SLFN12: variants seen among roughly 807,000 people sequenced by gnomAD.
SLFN12 encodes the protein ribonuclease SLFN12.
Under a neutral mutation model 29.1 loss-of-function variants are expected in SLFN12, and 25 were observed. The observed-to-expected ratio is 0.86, with a 90% CI of 0.63 to 1.20. The LOEUF is 1.20. Ranked by LOEUF, SLFN12 falls within the 50% of genes most tolerant of loss-of-function variation. The probability of loss-of-function intolerance (pLI) is 0.00; values close to 1 mark genes in which losing one functional copy is unlikely to be tolerated. For missense variants in SLFN12, 660 were observed against 666.2 expected, an observed-to-expected ratio of 0.99 and a Z score of 0.10; for synonymous variants, 257 against 238.7, an observed-to-expected ratio of 1.08 and a Z score of -0.71.
At chr17:35,418,615 T>C (rs1172136908) in intron 3 of SLFN12, among the ~76,000 whole-genome samples, 3 of 152,130 alleles carry the variant, frequency 2.0e-5, no homozygotes, top group African/African-American at 7.2e-5. Context: ...GGTAAGGCTT[T>C]GGGTCAAAAG....
At chr17:35,414,904 A>G (rs1911230692) in intron 3 of SLFN12, among the ~76,000 whole-genome samples, 1 of 152,180 alleles carries the variant, frequency 6.6e-6, no homozygotes, top group African/African-American at 2.4e-5. Context: ...ATGTTCATGG[A>G]TAGGTAGAAT....
intron 1 of SLFN12, among the ~76,000 whole-genome samples, chr17:35,428,431 A>T (rs1912130720): frequency 6.6e-6 from 1 of 152,062 alleles, no homozygotes; most frequent in African/African-American, 2.4e-5. Flanking sequence ...GTTAGAAAGC[A>T]TCTTAGTGGG....
intron 3 of SLFN12, among the ~76,000 whole-genome samples, chr17:35,418,097 T>C (rs555498976): frequency 3.3e-4 from 50 of 152,262 alleles, no homozygotes; most frequent in Non-Finnish European, 6.9e-4. Flanking sequence ...TTTTGGCATT[T>C]AAGCAGATTC....
In SLFN12 at chr17:35,420,343, T is replaced by A. The variant is rs200355125; in HGVS notation, c.1078A>T (p.Asn360Tyr). ...CTGTGGGGAGCAGGTAATGACGTAT[T>A]TATTTGAGAGATCACCTCTTCATAT... The part of the protein sequence containing the change: ...SSYEEVISQI[N>Y]TSLPAPHSWP... The change falls in exon 3 of 4, where the codon AAT (asparagine) becomes TAT (tyrosine). Residue 360 changes from asparagine (N) to tyrosine (Y), a missense_variant. Coordinates refer to ENST00000304905, the MANE Select transcript of SLFN12 (RefSeq NM_018042.5). 6.8e-6 allele frequency: 11 copies of A among 1,613,826 alleles called. No individual in the cohort carries two copies. The highest frequency in any genetic ancestry group is 9.3e-6 in the Non-Finnish European group (11 of 1,179,848).
chr17:35,411,927 C>A lies in SLFN12; in HGVS notation c.1148G>T (p.Gly383Val). ...EWQRQRHHCPGLSGRITYTPE... is the reference protein window; with the variant it reads ...EWQRQRHHCPVLSGRITYTPE... ...AGTATACGTTATCCTTCCTGATAGC[C>A]CTGAATAAGGAAATAATAATAATAA... The change falls in exon 4 of 4, where the codon GGG becomes GTG. Residue 383 changes from glycine to valine, a missense_variant and splice_region_variant. Coordinates refer to ENST00000304905, the MANE Select transcript of SLFN12 (RefSeq NM_018042.5). 6.4e-7 allele frequency: 1 copy of A among 1,556,160 alleles called. No homozygotes were observed.
At chr17:35,420,536 A>G (rs376667643) in intron 2 of SLFN12, 155 bp from the exon 3 acceptor site, 17 of 509,556 alleles carry the variant, frequency 3.3e-5, no homozygotes, top group East Asian at 2.6e-4. Context: ...TAGGTCAGAT[A>G]CAAATTGCAA....
intron 3 of SLFN12, among the ~76,000 whole-genome samples, chr17:35,414,479 G>C (rs1911206825): frequency 6.6e-6 from 1 of 152,018 alleles, no homozygotes; most frequent in East Asian, 1.9e-4. Context: ...TAAATGGAAA[G>C]ATAGCTTGTG....
chr17:35,420,567 GAC>G (rs953882167), intron 2 of SLFN12, 186 bp from the exon 3 acceptor site: 5 of 449,140 alleles, frequency 1.1e-5, no homozygotes, highest in African/African-American at 8.1e-5. Flanking sequence ...TGATGCCACT[GAC>G]ACACTATATT....
chr17:35,420,329 A>G lies in SLFN12; in HGVS notation c.1092T>C (p.Pro364=), dbSNP rs750922602. Residue 364 remains proline (P), a synonymous_variant, in exon 3 of 4, where the codon CCT becomes CCC. Transcript: ENST00000304905. ...EVISQINTSL[P]APHSWPLLEW... is the part of the protein sequence containing the mutation. Reference sequence around the variant, plus strand: ...CCAAAAGAGGCCAACTGTGGGGAGCAGGTAATGACGTATTTATTTGAGAGA... The same window carrying G: ...CCAAAAGAGGCCAACTGTGGGGAGCGGGTAATGACGTATTTATTTGAGAGA... 1.2e-6 allele frequency: 2 copies of G among 1,613,960 alleles called. No homozygotes were observed. Among genetic ancestry groups the G allele is most frequent in the South Asian group, 2.2e-5 (2 of 91,082 alleles).
Position 35,422,341 on chromosome 17 carries a change from C to T in SLFN12, c.688G>A (p.Ala230Thr). 1.2e-6 allele frequency: 2 copies of T among 1,613,950 alleles called. No individual in the cohort carries two copies. The highest frequency in any genetic ancestry group is 1.7e-6 in the Non-Finnish European group (2 of 1,179,970). Residue 230 changes from alanine to threonine, a missense_variant, in exon 2 of 4, where the codon GCA becomes ACA. Physicochemically the swap from Ala to Thr is moderately conservative, Grantham distance 58 (BLOSUM62 0). Coordinates refer to ENST00000304905, the MANE Select transcript of SLFN12 (RefSeq NM_018042.5). The part of the protein sequence containing the change: ...EILPQYVSAF[A>T]NTDGGYLFIG... ...AACAAATATCCTCCATCAGTATTTG[C>T]AAATGCAGAAACATATTGAGGGAGA...
intron 3 of SLFN12, among the ~76,000 whole-genome samples, chr17:35,418,652 A>G (rs1007078693): frequency 3.9e-4 from 60 of 151,990 alleles, no homozygotes; most frequent in African/African-American, 1.3e-3. Context: ...AACTTTTTGG[A>G]AAGTCAAAAG....
At chr17:35,419,719 T>C (rs916017198) in intron 3 of SLFN12, among the ~76,000 whole-genome samples, 1 of 152,168 alleles carries the variant, frequency 6.6e-6, no homozygotes, top group Non-Finnish European at 1.5e-5. Flanking sequence ...TTTGGCATTA[T>C]CTTATTACTT....
intron 2 of SLFN12, among the ~76,000 whole-genome samples, chr17:35,421,122 T>C (rs1911608207): frequency 6.6e-6 from 1 of 151,490 alleles, no homozygotes. Context: ...GGCAGGAGAA[T>C]CGCTTGAATC....
chr17:35,425,825 T>C (rs145870843), intron 1 of SLFN12, among the ~76,000 whole-genome samples: 1,719 of 136,078 alleles, frequency 0.013, 19 homozygotes, highest in Non-Finnish European at 0.019. Flanking sequence ...TTCTTTTTCT[T>C]TTCTTTTCTT....
intron 3 of SLFN12, among the ~76,000 whole-genome samples, 184 bp from the exon 4 acceptor site, chr17:35,412,111 C>T (rs142211171): frequency 6.6e-6 from 1 of 152,174 alleles, no homozygotes; most frequent in Non-Finnish European, 1.5e-5. Context: ...TGAAGTGCCA[C>T]AGTCTTTGAT....
Position 35,411,833 on chromosome 17 carries a change from C to A in SLFN12, c.1242G>T (p.Met414Ile). 2 of 1,614,002 alleles carry A rather than the reference C, an allele frequency of 1.2e-6. No individual in the cohort carries two copies. The highest frequency in any genetic ancestry group is 1.7e-6 in the Non-Finnish European group (2 of 1,179,998). The change falls in exon 4 of 4, where the codon ATG (methionine) becomes ATT (isoleucine). Residue 414 changes from methionine (M) to isoleucine (I), a missense_variant. Transcript: ENST00000304905. ...TCAGTGAGCCCTTTCTGACAGAGTCCATTTCTTCACATATTAATTGCTTAA... is the reference window on the plus strand; with the variant it reads ...TCAGTGAGCCCTTTCTGACAGAGTCAATTTCTTCACATATTAATTGCTTAA... ...EGLKQLICEE[M>I]DSVRKGSLIF...
intron 3 of SLFN12, among the ~76,000 whole-genome samples, chr17:35,413,526 T>A (rs533455664): frequency 1.2e-3 from 184 of 152,072 alleles, no homozygotes; most frequent in African/African-American, 4.2e-3. Flanking sequence ...GGCAGGTGGA[T>A]CACCTGAGGT....
chr17:35,421,838 C>T (rs1007792501), intron 2 of SLFN12, 152 bp downstream of exon 2: 10 of 1,154,124 alleles, frequency 8.7e-6, no homozygotes, highest in Non-Finnish European at 1.2e-5. Flanking sequence ...CCGCGCCTGG[C>T]CGAGGCAGGG....
intron 1 of SLFN12, among the ~76,000 whole-genome samples, chr17:35,430,129 G>C (rs868245008): frequency 6.6e-6 from 1 of 152,008 alleles, no homozygotes; most frequent in African/African-American, 2.4e-5. Flanking sequence ...CCGACCTATA[G>C]CTTCCAAGTC....
Sources: allele counts gnomAD v4.1 joint callset (sites outside exome capture counted in the v4.1 genomes callset), GRCh38; gene constraint gnomAD v4.1.1; transcripts MANE v1.5; gene names NCBI Gene and HGNC (gene_info 2026-07-23, HGNC 2026-07-21).